ASIC2: variants seen among roughly 807,000 people sequenced by gnomAD.
ASIC2 encodes the protein acid sensing ion channel subunit 2.
In ASIC2, 25 loss-of-function variants were observed where a neutral mutation model predicts 57.3. The ratio of observed to expected loss-of-function variants is 0.44; its 90% CI spans 0.32 to 0.61. The LOEUF is 0.61. Ranked by LOEUF, ASIC2 falls within the 20% of genes least tolerant of loss-of-function variation. The probability of loss-of-function intolerance (pLI) is 0.06; values close to 1 mark genes in which losing one functional copy is unlikely to be tolerated. For missense variants in ASIC2, 641 were observed against 738.1 expected (o/e 0.87, Z 1.52); for synonymous variants, 319 against 307.5 (o/e 1.04, Z -0.39).
chr17:33,647,199 C>A lies in ASIC2; in HGVS notation c.555+508779G>T, dbSNP rs577045637. On this transcript the variant is annotated intron_variant, in intron 1 of 9. Transcript: ENST00000359872. ...CATCTTGCTGCCTCTGTTTATCAAT[C>A]TGTCAAATTGGAGAAATAATCCGTT... Among the ~76,000 whole-genome samples, 46 of 152,250 alleles carry A rather than the reference C, an allele frequency of 3.0e-4. 1 individual carries two copies. The South Asian group carries it at 8.9e-3, about 30-fold the overall frequency.
intron 1 of ASIC2, among the ~76,000 whole-genome samples, chr17:33,152,435 G>A (rs536152749): frequency 9.3e-4 from 141 of 152,288 alleles, no homozygotes; most frequent in Middle Eastern, 3.4e-3. Context: ...GGTGGAGGCC[G>A]GTCTGAGTCT....
At chr17:33,865,486 C>T (rs897734776) in intron 1 of ASIC2, among the ~76,000 whole-genome samples, 1 of 152,134 alleles carries the variant, frequency 6.6e-6, no homozygotes, top group Non-Finnish European at 1.5e-5. Context: ...GCATATATTT[C>T]CAGAATTTTC....
intron 1 of ASIC2, among the ~76,000 whole-genome samples, chr17:33,444,225 G>A (rs1050444158): frequency 3.9e-5 from 6 of 152,236 alleles, no homozygotes; most frequent in African/African-American, 1.4e-4. Context: ...ACAGCCGAAA[G>A]TTCTCTCGGT....
intron 1 of ASIC2, among the ~76,000 whole-genome samples, chr17:33,797,666 G>T (rs1245564311): frequency 6.6e-6 from 1 of 152,158 alleles, no homozygotes; most frequent in African/African-American, 2.4e-5. Flanking sequence ...GTTAATTGCT[G>T]CTCAGAGTGC....
At chr17:33,641,243 G>A (rs760378058) in intron 1 of ASIC2, among the ~76,000 whole-genome samples, 2 of 152,128 alleles carry the variant, frequency 1.3e-5, no homozygotes, top group Non-Finnish European at 2.9e-5. Context: ...TGCCCAGCAC[G>A]TGGCTATAGA....
intron 1 of ASIC2, among the ~76,000 whole-genome samples, chr17:33,584,974 G>A (rs73984028): frequency 0.1 from 15,551 of 152,094 alleles, 1,088 homozygotes; most frequent in East Asian, 0.3. Flanking sequence ...GAGAGAGGAG[G>A]GAGGGTCCAT....
intron 1 of ASIC2, among the ~76,000 whole-genome samples, chr17:33,519,062 C>T (rs865976377): frequency 9.9e-5 from 15 of 152,158 alleles, no homozygotes; most frequent in African/African-American, 2.4e-4. Context: ...CCTCGTGATC[C>T]GCCCGCCTCG....
At chr17:33,660,348 A>T (rs1403505555) in intron 1 of ASIC2, among the ~76,000 whole-genome samples, 1 of 135,466 alleles carries the variant, frequency 7.4e-6, no homozygotes, top group African/African-American at 2.5e-5. Context: ...CTTTTTAATT[A>T]AAAAAAAATG....
At chr17:33,385,517 A>G (rs1437395471) in intron 1 of ASIC2, among the ~76,000 whole-genome samples, 1 of 152,224 alleles carries the variant, frequency 6.6e-6, no homozygotes, top group African/African-American at 2.4e-5. Flanking sequence ...CTTGCATTTT[A>G]ACAACTTTCA....
chr17:33,354,225 A>G (rs990535400), intron 1 of ASIC2, among the ~76,000 whole-genome samples: 3 of 152,190 alleles, frequency 2.0e-5, no homozygotes, highest in African/African-American at 7.2e-5. Context: ...GGCTGGGGAC[A>G]CAGAGCCAAA....
intron 1 of ASIC2, among the ~76,000 whole-genome samples, chr17:33,693,984 T>C (rs1908451897): frequency 6.6e-6 from 1 of 152,244 alleles, no homozygotes. Context: ...CTGTATTTTC[T>C]TCCTATGGAC....
At chr17:33,019,079 T>A (rs185505156) in intron 7 of ASIC2, among the ~76,000 whole-genome samples, 1 of 152,154 alleles carries the variant, frequency 6.6e-6, no homozygotes, top group Non-Finnish European at 1.5e-5. Flanking sequence ...CTCATGTCTT[T>A]AATGGAGGCT....
intron 1 of ASIC2, among the ~76,000 whole-genome samples, chr17:33,654,306 G>T (rs1222916306): frequency 6.6e-6 from 1 of 152,242 alleles, no homozygotes; most frequent in East Asian, 1.9e-4. Context: ...TGCAGAAGCA[G>T]AAGTGAAGAT....
intron 1 of ASIC2, among the ~76,000 whole-genome samples, chr17:33,831,211 AAATT>A (rs1913099567): frequency 1.3e-5 from 2 of 150,378 alleles, no homozygotes; most frequent in Non-Finnish European, 3.0e-5. Context: ...ATTTGCATAT[AAATT>A]ATGTTGTACC....
chr17:33,325,084 G>A (rs530290951), intron 1 of ASIC2, among the ~76,000 whole-genome samples: 10 of 152,160 alleles, frequency 6.6e-5, no homozygotes, highest in African/African-American at 2.4e-4. Context: ...TATCTATTGA[G>A]TACCTATTAG....
rs537794151 is a variant in ASIC2, at chr17:33,717,433, T to A, written c.555+438545A>T. On this transcript the variant is annotated intron_variant, in intron 1 of 9. Transcript: ENST00000359872. Reference sequence around the variant, plus strand: ...GCAAGGGTGCAGGTGCTGATAACATTTCTGGTGTGGAGGTGCCTGTCTGGG... The same window carrying A: ...GCAAGGGTGCAGGTGCTGATAACATATCTGGTGTGGAGGTGCCTGTCTGGG... Among the ~76,000 whole-genome samples the A allele has an allele frequency of 2.0e-5, 3 of 152,280 alleles. No homozygotes were observed. The South Asian group carries it at 6.2e-4, about 32-fold the overall frequency.
At chr17:33,177,369 AAAG>A (rs1905802437) in intron 1 of ASIC2, among the ~76,000 whole-genome samples, 1 of 152,252 alleles carries the variant, frequency 6.6e-6, no homozygotes, top group Admixed American at 6.5e-5. Flanking sequence ...AGGAAACAAG[AAAG>A]AAGAAGTATG....
intron 1 of ASIC2, among the ~76,000 whole-genome samples, chr17:33,494,562 C>T (rs560213408): frequency 1.3e-5 from 2 of 152,128 alleles, no homozygotes; most frequent in Non-Finnish European, 2.9e-5. Flanking sequence ...GGAAGTGCAC[C>T]TAGAACAGCA....
At chr17:33,637,200 C>T (rs1906400654) in intron 1 of ASIC2, among the ~76,000 whole-genome samples, 2 of 152,084 alleles carry the variant, frequency 1.3e-5, no homozygotes, top group South Asian at 4.1e-4. Context: ...CCTGAGGTAG[C>T]AAGGAGCAGG....
Sources: gnomAD v4.1 joint callset for allele counts (sites outside exome capture counted in the v4.1 genomes callset) on GRCh38, gnomAD v4.1.1 for gene constraint, MANE v1.5 for transcripts, NCBI Gene and HGNC (gene_info 2026-07-23, HGNC 2026-07-21) for gene names.